Variants in SVEP1 observed in about 807,000 individuals in gnomAD.
SVEP1 encodes the protein sushi, von Willebrand factor type A, EGF and pentraxin domain containing 1.
In SVEP1, 164 loss-of-function variants were observed where a neutral mutation model predicts 367.3. The ratio of observed to expected loss-of-function variants is 0.45; its 90% CI spans 0.39 to 0.51. The LOEUF (loss-of-function observed/expected upper bound fraction) is 0.51, where lower values mean the gene tolerates loss of function less well. Among genes scored for constraint, SVEP1 ranks in the 20% least tolerant of loss-of-function variants. SVEP1 has a pLI of 0.00. For synonymous variants in SVEP1, 1,666 were observed against 1,611.6 expected (o/e 1.03, Z -0.81); for missense variants, 4,117 against 4,425.3 (o/e 0.93, Z 1.98).
intron 43 of SVEP1, among the ~76,000 whole-genome samples, chr9:110,383,850 G>GTCAGGGTCCAGCCT (rs1827481180): frequency 8.9e-6 from 1 of 112,276 alleles, no homozygotes; most frequent in Non-Finnish European, 1.9e-5. Context: ...GGAGGAAGGA[G>GTCAGGGTCCAGCCT]TCAGGGTCCA....
At chr9:110,391,140 T>TAA (rs1333607222) in intron 40 of SVEP1, among the ~76,000 whole-genome samples, 1 of 152,250 alleles carries the variant, frequency 6.6e-6, no homozygotes, top group African/African-American at 2.4e-5. Context: ...ATAAATTTCA[T>TAA]AATTTATTCT....
chr9:110,542,967 A>T (rs982288848), intron 3 of SVEP1, among the ~76,000 whole-genome samples: 42 of 147,432 alleles, frequency 2.8e-4, no homozygotes, highest in African/African-American at 9.1e-4. Flanking sequence ...AGTATAATTA[A>T]AAAAAAATAT....
intron 47 of SVEP1, among the ~76,000 whole-genome samples, chr9:110,367,884 T>C (rs10759425): frequency 0.21 from 32,275 of 151,974 alleles, 3,969 homozygotes; most frequent in Middle Eastern, 0.35. Context: ...AGTTCGAGAC[T>C]AGCCTGGCCA....
At chr9:110,432,664 A>G in intron 30 of SVEP1, 29 bp from the exon 31 acceptor site, 1 of 1,579,548 alleles carries the variant, frequency 6.3e-7, no homozygotes, top group Non-Finnish European at 8.6e-7. Flanking sequence ...GAAGACAACG[A>G]CATTAAGAGC....
Position 110,467,567 on chromosome 9 carries a change from G to T in SVEP1, c.3160+1373C>A, listed in dbSNP as rs144853888. Reference sequence around the variant, plus strand: ...GGTTTAGTATCGTACCCCTGGGGCTGTTCTAGTGATAGAGTTCTCGTGATA... The same window carrying T: ...GGTTTAGTATCGTACCCCTGGGGCTTTTCTAGTGATAGAGTTCTCGTGATA... On this transcript the variant is annotated intron_variant, in intron 17 of 47. Coordinates refer to ENST00000374469, the MANE Select transcript of SVEP1 (RefSeq NM_153366.4). 3.9e-3 allele frequency among the ~76,000 whole-genome samples: 586 copies of T among 151,918 alleles called. 10 individuals are homozygous for T. The highest frequency in any genetic ancestry group is 0.013 in the African/African-American group (558 of 41,430).
Position 110,451,384 on chromosome 9 carries a change from T to A in SVEP1, c.3806A>T (p.Asn1269Ile), listed in dbSNP as rs1229658285. 6.2e-7 allele frequency: 1 copy of A among 1,613,378 alleles called. No homozygotes were observed. Among genetic ancestry groups the A allele is most frequent in the Non-Finnish European group, 8.5e-7 (1 of 1,179,616 alleles). ...AGGACTGGAGCTACACTCATTTATATTTTCTTCACACCGCTGACCTGCAAA... is the reference window on the plus strand; with the variant it reads ...AGGACTGGAGCTACACTCATTTATAATTTCTTCACACCGCTGACCTGCAAA... ...SGYTGQRCEENINECSSSPCL... is the reference protein window; with the variant it reads ...SGYTGQRCEEIINECSSSPCL... The change falls in exon 23 of 48, where the codon AAT (asparagine) becomes ATT (isoleucine). Residue 1269 changes from asparagine (N) to isoleucine (I), a missense_variant. Asn to Ile is a moderately radical substitution (Grantham distance 149). Around this residue, in one of 4 missense-constraint regions of SVEP1, gnomAD observed 2,174 missense variants for 2,494.3 expected, o/e 0.87. Coordinates refer to ENST00000374469, the MANE Select transcript of SVEP1 (RefSeq NM_153366.4).
At chr9:110,514,262 T>C (rs909209306) in intron 3 of SVEP1, 156 bp from the exon 4 acceptor site, 4 of 946,956 alleles carry the variant, frequency 4.2e-6, no homozygotes, top group African/African-American at 1.6e-5. Context: ...CTGTAATCCC[T>C]GTACTTTGGG....
intron 9 of SVEP1, among the ~76,000 whole-genome samples, chr9:110,485,990 G>T (rs1829271250): frequency 6.6e-6 from 1 of 152,146 alleles, no homozygotes; most frequent in Non-Finnish European, 1.5e-5. Flanking sequence ...GTAGACCAGT[G>T]ATGCAGTTTA....
At chr9:110,395,207 TAAAGA>T (rs1475356950) in intron 40 of SVEP1, among the ~76,000 whole-genome samples, 23 of 152,252 alleles carry the variant, frequency 1.5e-4, no homozygotes, top group Admixed American at 1.4e-3. Flanking sequence ...TCAACATTCT[TAAAGA>T]AAAGAATTTT....
At chr9:110,496,975 G>A (rs1350457121) in intron 7 of SVEP1, 42 bp from the exon 8 acceptor site, 2 of 1,292,094 alleles carry the variant, frequency 1.5e-6, no homozygotes, top group Non-Finnish European at 2.2e-6. Context: ...ACACTGATAT[G>A]TGGTCCTAGA....
chr9:110,410,685 A>G (rs1313412217), intron 37 of SVEP1, among the ~76,000 whole-genome samples: 1 of 152,198 alleles, frequency 6.6e-6, no homozygotes, highest in Non-Finnish European at 1.5e-5. Flanking sequence ...TTTTTTTTCC[A>G]GTCTTCACTA....
intron 17 of SVEP1, among the ~76,000 whole-genome samples, chr9:110,466,760 C>CAAAAAAAAAAAA (rs71371670): frequency 0.11 from 4,933 of 46,006 alleles, 1,647 homozygotes; most frequent in Non-Finnish European, 0.14. Flanking sequence ...GACTCCATCT[C>CAAAAAAAAAAAA]AAAAAAAAAA....
At chr9:110,499,404 C>T (rs1410335708) in intron 6 of SVEP1, among the ~76,000 whole-genome samples, 166 bp from the exon 7 acceptor site, 1 of 152,126 alleles carries the variant, frequency 6.6e-6, no homozygotes, top group East Asian at 1.9e-4. Context: ...GTAAATAATG[C>T]TAACCTATAC....
At position 110,411,694 on chromosome 9, in the gene SVEP1, T is replaced by G. The variant is rs1828047332; in HGVS notation, c.6017A>C (p.Asp2006Ala). 2 of 1,595,352 alleles carry G rather than the reference T, an allele frequency of 1.3e-6. No homozygotes were observed. Among genetic ancestry groups the G allele is most frequent in the African/African-American group, 1.3e-5 (1 of 74,564 alleles). ...AGLDTIECLA[D>A]GKWSRSDQQC... is the part of the protein sequence containing the mutation. ...CTGGTCACTTCTACTCCACTTGCCG[T>G]CGGCCAGGCATTCAATGGTGTCAAG... is the stretch of plus-strand genomic sequence containing the variant. Residue 2006 changes from aspartate to alanine, a missense_variant, in exon 37 of 48, where the codon GAC (aspartate) becomes GCC (alanine). Transcript: ENST00000374469.
chr9:110,515,137 T>G (rs1335485000), intron 3 of SVEP1, among the ~76,000 whole-genome samples: 1 of 152,200 alleles, frequency 6.6e-6, no homozygotes, highest in Non-Finnish European at 1.5e-5. Context: ...GAGTTATGCA[T>G]CTGTAAAATA....
rs774611071 is a variant in SVEP1 at position 110,489,740 on chromosome 9, G to A, written c.1840C>T (p.Leu614Phe). Reference sequence around the variant, plus strand: ...ATAGCAACATCTCCAATTGGGAAAAGGTAAGGTGGGGTGAAAGCTGGATGA... The same window carrying A: ...ATAGCAACATCTCCAATTGGGAAAAAGTAAGGTGGGGTGAAAGCTGGATGA... The part of the protein sequence containing the change: ...HVHPAFTPPY[L>F]FPIGDVAIVY... Residue 614 changes from leucine (L) to phenylalanine (F), a missense_variant, in exon 9 of 48, where the codon CTT becomes TTT. Physicochemically the swap from Leu to Phe is conservative, Grantham distance 22. Transcript: ENST00000374469. The A allele has an allele frequency of 6.2e-7, 1 of 1,613,368 alleles. No homozygotes were observed. Among genetic ancestry groups the A allele is most frequent in the South Asian group, 1.1e-5 (1 of 90,986 alleles).
chr9:110,483,962 C>G (rs1829238233), intron 9 of SVEP1, among the ~76,000 whole-genome samples: 1 of 152,170 alleles, frequency 6.6e-6, no homozygotes, highest in Non-Finnish European at 1.5e-5. Context: ...AAAGGCAATT[C>G]CTGATGTGGT....
At chr9:110,380,630 C>T (rs370523004) in intron 43 of SVEP1, among the ~76,000 whole-genome samples, 28 of 152,210 alleles carry the variant, frequency 1.8e-4, no homozygotes, top group East Asian at 5.8e-4. Flanking sequence ...TGATGTTCAT[C>T]GGGGAAATTG....
chr9:110,531,499 C>A (rs554620308), intron 3 of SVEP1, among the ~76,000 whole-genome samples: 1 of 152,088 alleles, frequency 6.6e-6, no homozygotes, highest in Admixed American at 6.6e-5. Flanking sequence ...AGAGGATTTC[C>A]CTGCATTTGC....
Sources: allele counts gnomAD v4.1 joint callset (sites outside exome capture counted in the v4.1 genomes callset), GRCh38; gene constraint gnomAD v4.1.1; regional missense constraint gnomAD v4.1.1; transcripts MANE v1.5; gene names NCBI Gene and HGNC (gene_info 2026-07-23, HGNC 2026-07-21).